The following HS6ST2 variants were observed in gnomAD, a reference collection of about 807,000 sequenced individuals.
HS6ST2 encodes heparan-sulfate 6-O-sulfotransferase 2.
In HS6ST2, 17 loss-of-function variants were observed where a neutral mutation model predicts 33.0. That is an observed-to-expected ratio of 0.52 (90% CI 0.35 to 0.77). HS6ST2 has a LOEUF of 0.77. Ranked by LOEUF, HS6ST2 falls within the 30% of genes least tolerant of loss-of-function variation. HS6ST2 has a pLI of 0.01. For missense variants in HS6ST2, 519 were observed against 551.7 expected (o/e 0.94, Z 0.59); for synonymous variants, 248 against 237.1 (o/e 1.05, Z -0.42).
intron 2 of HS6ST2, among the ~76,000 whole-genome samples, chrX:132,943,500 C>T (rs903031533): frequency 1.8e-5 from 2 of 111,541 alleles, no homozygotes; most frequent in African/African-American, 6.5e-5. Context: ...TCCTCCCTAA[C>T]TCATTTTATG....
At chrX:132,813,044 C>T (rs1356568277) in intron 2 of HS6ST2, among the ~76,000 whole-genome samples, 1 of 111,532 alleles carries the variant, frequency 9.0e-6, no homozygotes, top group African/African-American at 3.3e-5. Flanking sequence ...ATTCTGTCAT[C>T]TCTCTATACC....
rs181334808 is a variant in HS6ST2, at chrX:132,722,587, T to C, written c.948-14093A>G. 8.9e-5 allele frequency among the ~76,000 whole-genome samples: 10 copies of C among 112,268 alleles called. 1 individual carries two copies. In the Admixed American group the frequency reaches 9.4e-4, roughly 11 times the overall value. On this transcript the variant is annotated intron_variant, in intron 2 of 4. Transcript: ENST00000370833. ...AAAACAGGTGTTTTTGTAAAACAAC[T>C]CTATGGAGAAATGTTAACATTTTCA...
At chrX:132,903,633 A>G (rs1030163408) in intron 2 of HS6ST2, among the ~76,000 whole-genome samples, 1 of 111,838 alleles carries the variant, frequency 8.9e-6, no homozygotes, top group African/African-American at 3.2e-5. Context: ...GATTGTCAAC[A>G]AGGGTGCTAA....
At chrX:132,693,901 C>G (rs1466646260) in intron 3 of HS6ST2, among the ~76,000 whole-genome samples, 1 of 112,066 alleles carries the variant, frequency 8.9e-6, no homozygotes, top group Non-Finnish European at 1.9e-5. Context: ...ATGTACAGCA[C>G]CATGTCACCC....
chrX:132,879,155 G>A (rs966019242), intron 2 of HS6ST2, among the ~76,000 whole-genome samples: 5 of 111,406 alleles, frequency 4.5e-5, no homozygotes, highest in African/African-American at 1.3e-4. Context: ...GCCTTCTACC[G>A]CTTCTCCCTA....
intron 2 of HS6ST2, among the ~76,000 whole-genome samples, chrX:132,797,071 G>A (rs1453266064): frequency 9.0e-6 from 1 of 111,606 alleles, no homozygotes; most frequent in African/African-American, 3.3e-5. Context: ...TTAGCAAGAG[G>A]ATTCTGGGAA....
intron 2 of HS6ST2, among the ~76,000 whole-genome samples, chrX:132,868,993 G>T (rs1016120888): frequency 3.0e-5 from 2 of 66,426 alleles, no homozygotes; most frequent in African/African-American, 1.5e-4. Flanking sequence ...AATCCAGGAG[G>T]TATTTTTTTT....
chrX:132,839,602 A>T (rs1486179095), intron 2 of HS6ST2, among the ~76,000 whole-genome samples: 1 of 110,073 alleles, frequency 9.1e-6, no homozygotes, highest in Non-Finnish European at 1.9e-5. Flanking sequence ...TACAGTGTAC[A>T]TCATTCCAAT....
chrX:132,678,858 T>C (rs1246956974), intron 3 of HS6ST2, among the ~76,000 whole-genome samples: 2 of 112,560 alleles, frequency 1.8e-5, no homozygotes, highest in East Asian at 5.6e-4. Context: ...CTAAACCTTG[T>C]ATAACTTAAA....
At chrX:132,811,685 AAT>A (rs56390608) in intron 2 of HS6ST2, among the ~76,000 whole-genome samples, 1,366 of 29,741 alleles carry the variant, frequency 0.046, 36 homozygotes, top group East Asian at 0.16. Flanking sequence ...AAGGCTGAAT[AAT>A]ATATATATAT....
At chrX:132,919,736 G>A (rs183711170) in intron 2 of HS6ST2, among the ~76,000 whole-genome samples, 1 of 112,081 alleles carries the variant, frequency 8.9e-6, no homozygotes, top group African/African-American at 3.2e-5. Flanking sequence ...AGGCTACAAA[G>A]CAGCCATCCA....
intron 2 of HS6ST2, among the ~76,000 whole-genome samples, chrX:132,839,974 A>G (rs1024047068): frequency 9.0e-6 from 1 of 110,627 alleles, no homozygotes; most frequent in African/African-American, 3.3e-5. Flanking sequence ...AAAATTAGCC[A>G]GGCATGGTGG....
intron 4 of HS6ST2, among the ~76,000 whole-genome samples, chrX:132,637,878 A>ATT (rs1218862211): frequency 7.0e-5 from 3 of 43,071 alleles, no homozygotes; most frequent in Non-Finnish European, 9.5e-5. Flanking sequence ...TATATATAAT[A>ATT]TATATATAAT....
At chrX:132,754,054 G>A (rs919404380) in intron 2 of HS6ST2, among the ~76,000 whole-genome samples, 5 of 110,474 alleles carry the variant, frequency 4.5e-5, no homozygotes, top group East Asian at 2.8e-4. Context: ...TACTTTTTTC[G>A]GTTGCAGGAT....
At chrX:132,750,402 T>A (rs2064693556) in intron 2 of HS6ST2, among the ~76,000 whole-genome samples, 1 of 107,664 alleles carries the variant, frequency 9.3e-6, no homozygotes. Context: ...GCGACTTTGC[T>A]GGTCAGTATC....
intron 3 of HS6ST2, among the ~76,000 whole-genome samples, chrX:132,679,711 A>T (rs972611430): frequency 9.2e-6 from 1 of 108,274 alleles, no homozygotes; most frequent in East Asian, 3.0e-4. Flanking sequence ...ACTGGGGTCT[A>T]TTTCACCCCT....
At chrX:132,632,107 T>C (rs1488593696) in intron 4 of HS6ST2, among the ~76,000 whole-genome samples, 1 of 110,882 alleles carries the variant, frequency 9.0e-6, no homozygotes, top group Non-Finnish European at 1.9e-5. Context: ...GGATTTTCAC[T>C]GCAGCAGAGA....
intron 2 of HS6ST2, among the ~76,000 whole-genome samples, chrX:132,781,444 C>A (rs2065016010): frequency 9.1e-6 from 1 of 110,475 alleles, no homozygotes; most frequent in African/African-American, 3.3e-5. Context: ...GCTTTTCAAG[C>A]AAAAAACAAA....
At chrX:132,884,475 C>T (rs2066224996) in intron 2 of HS6ST2, among the ~76,000 whole-genome samples, 1 of 110,987 alleles carries the variant, frequency 9.0e-6, no homozygotes, top group Non-Finnish European at 1.9e-5. Flanking sequence ...TTCTTGCAGC[C>T]AGGAGGAAAT....
Sources: gnomAD v4.1 joint callset for allele counts (sites outside exome capture counted in the v4.1 genomes callset) on GRCh38, gnomAD v4.1.1 for gene constraint, MANE v1.5 for transcripts, NCBI Gene and HGNC (gene_info 2026-07-23, HGNC 2026-07-21) for gene names.